DNAJC8: variants seen among roughly 807,000 people sequenced by gnomAD.
DNAJC8 encodes dnaJ homolog subfamily C member 8.
Under a neutral mutation model 43.2 loss-of-function variants are expected in DNAJC8, and 24 were observed. The observed-to-expected ratio is 0.56, with a 90% confidence interval of 0.40 to 0.78. The LOEUF is 0.78. DNAJC8 is among the 30% of genes least tolerant of loss of function. The pLI is 0.00. For missense variants in DNAJC8, 207 were observed against 299.4 expected (o/e 0.69, Z 2.28); for synonymous variants, 83 against 98.0 (o/e 0.85, Z 0.90).
chr1:28,218,421 A>AT (rs755920353), intron 2 of DNAJC8, among the ~76,000 whole-genome samples: 5,759 of 142,780 alleles, frequency 0.04, 241 homozygotes, highest in African/African-American at 0.092. Context: ...TAAACAAATA[A>AT]TTTTTTTTTT....
intron 3 of DNAJC8, among the ~76,000 whole-genome samples, chr1:28,212,297 CAG>C (rs1646820468): frequency 2.9e-5 from 3 of 105,246 alleles, no homozygotes; most frequent in African/African-American, 1.1e-4. Context: ...TTTTTTGAGA[CAG>C]AGTGTTGCTC....
At chr1:28,207,689 G>A (rs1052601796) in intron 6 of DNAJC8, among the ~76,000 whole-genome samples, 18 of 147,416 alleles carry the variant, frequency 1.2e-4, no homozygotes, top group African/African-American at 3.0e-4. Context: ...TGATCCACCC[G>A]CCACGGCCTC....
Position 28,232,960 on chromosome 1 carries a change from T to C in DNAJC8, c.39A>G (p.Gly13=). 10 of 1,613,146 alleles carry C rather than the reference T, an allele frequency of 6.2e-6. No homozygotes were observed. Among genetic ancestry groups the C allele is most frequent in the Non-Finnish European group, 8.5e-6 (10 of 1,180,002 alleles). ...TCATAAATGCTTCCTCGGTGCTGCC[T>C]CCGCCGCCTGAAGTCCCGCTCTCTC... The part of the protein sequence containing the change: ...ASGESGTSGG[G]GSTEEAFMTF... The change falls in exon 1 of 9, where the codon GGA becomes GGG. Residue 13 remains glycine, a synonymous_variant. Coordinates refer to ENST00000263697, the MANE Select transcript of DNAJC8 (RefSeq NM_014280.3).
intron 6 of DNAJC8, 42 bp downstream of exon 6, chr1:28,208,300 C>A: frequency 6.6e-7 from 1 of 1,507,988 alleles, no homozygotes; most frequent in East Asian, 2.3e-5. Context: ...TTCGTAGACA[C>A]AATCACACAA....
At chr1:28,232,068 T>C (rs1363282503) in intron 1 of DNAJC8, among the ~76,000 whole-genome samples, 1 of 151,910 alleles carries the variant, frequency 6.6e-6, no homozygotes, top group Non-Finnish European at 1.5e-5. Flanking sequence ...AATTTTTTTT[T>C]CTATCCTTTT....
At chr1:28,228,380 C>G (rs114820785) in intron 2 of DNAJC8, among the ~76,000 whole-genome samples, 3,230 of 143,326 alleles carry the variant, frequency 0.023, 132 homozygotes, top group African/African-American at 0.078. Flanking sequence ...GAATCCTAAA[C>G]TTATTAGAGC....
At chr1:28,205,910 A>G (rs991284873) in intron 6 of DNAJC8, among the ~76,000 whole-genome samples, 4 of 152,120 alleles carry the variant, frequency 2.6e-5, no homozygotes, top group African/African-American at 7.2e-5. Flanking sequence ...TTAGCGGGGC[A>G]TGGTGGTGCA....
chr1:28,213,812 T>C lies in DNAJC8; in HGVS notation c.237+1128A>G, dbSNP rs985135545. 2.0e-5 allele frequency among the ~76,000 whole-genome samples: 3 copies of C among 152,192 alleles called. No homozygotes were observed. The East Asian group carries it at 5.8e-4, about 29-fold the overall frequency. On this transcript the variant is annotated intron_variant, in intron 3 of 8. Transcript: ENST00000263697. ...GCCAGCAGATCGCTTGAGCCCAGAA[T>C]TGAGACCAGCCTGGGCAACATGGCG...
intron 3 of DNAJC8, among the ~76,000 whole-genome samples, chr1:28,214,644 G>T (rs1646838674): frequency 6.6e-6 from 1 of 152,166 alleles, no homozygotes; most frequent in South Asian, 2.1e-4. Flanking sequence ...AGGGGGTTTG[G>T]TAGTTACAAC....
chr1:28,210,659 G>A (rs1457264968), intron 3 of DNAJC8, 22 bp from the exon 4 acceptor site: 4 of 1,606,790 alleles, frequency 2.5e-6, no homozygotes, highest in African/African-American at 2.7e-5. Context: ...GAAAAGTTGG[G>A]GTTGTCAATA....
At position 28,210,051 on chromosome 1, in the gene DNAJC8, T is replaced by G. The variant is rs1646800116; in HGVS notation, c.320A>C (p.Tyr107Ser). Residue 107 changes from tyrosine to serine, a missense_variant, in exon 5 of 9, where the codon TAC becomes TCC. Tyr to Ser is a moderately radical substitution (Grantham distance 144, BLOSUM62 -2). Transcript: ENST00000263697. ...QKAFEAVDKA[Y>S]KLLLDQEQKK... is the part of the protein sequence containing the mutation. ...TTGCTCCTGATCCAGTAGCAACTTG[T>G]AAGCTTTGTCCACAGCTAATGCAAA... The G allele has an allele frequency of 6.2e-7, 1 of 1,614,154 alleles. No homozygotes were observed. The highest frequency in any genetic ancestry group is 1.1e-5 in the South Asian group (1 of 91,086).
intron 2 of DNAJC8, among the ~76,000 whole-genome samples, chr1:28,216,941 T>C (rs1646859874): frequency 6.6e-6 from 1 of 151,446 alleles, no homozygotes; most frequent in Admixed American, 6.6e-5. Flanking sequence ...CTCGAGTAGC[T>C]GGGATTACAG....
intron 5 of DNAJC8, 22 bp from the exon 6 acceptor site, chr1:28,208,435 CA>C: frequency 6.4e-7 from 1 of 1,554,384 alleles, no homozygotes; most frequent in East Asian, 2.3e-5. Context: ...TTTTTTTCAT[CA>C]AAAGACGAGC....
chr1:28,204,568 A>G (rs1231706026), intron 7 of DNAJC8, among the ~76,000 whole-genome samples: 1 of 152,196 alleles, frequency 6.6e-6, no homozygotes, highest in Non-Finnish European at 1.5e-5. Flanking sequence ...CATATTTTAG[A>G]ACATTAAACA....
At chr1:28,216,039 A>T (rs867088408) in intron 2 of DNAJC8, among the ~76,000 whole-genome samples, 5 of 151,938 alleles carry the variant, frequency 3.3e-5, no homozygotes, top group African/African-American at 9.7e-5. Context: ...GTGACTTTTT[A>T]AAATGTTTTT....
chr1:28,200,753 T>C lies in DNAJC8; in HGVS notation c.*495A>G. 1 of 447,002 alleles carries C rather than the reference T, an allele frequency of 2.2e-6. No individual in the cohort carries two copies. Among genetic ancestry groups the C allele is most frequent in the South Asian group, 1.6e-5 (1 of 63,440 alleles). 27.7% of individuals were successfully genotyped at this position (447,002 alleles called of 1,614,324 possible). A position where few individuals can be genotyped will look rare whatever the true frequency, so the allele number is the denominator to read the frequency against. ...CCACAGGGCATCAGATGCTGCTCTGTGTGCTCACAAGTGTTCCCTGTCTTA... is the reference window on the plus strand; with the variant it reads ...CCACAGGGCATCAGATGCTGCTCTGCGTGCTCACAAGTGTTCCCTGTCTTA... On this transcript the variant is annotated 3_prime_UTR_variant, in exon 9 of 9. Coordinates refer to ENST00000263697, the MANE Select transcript of DNAJC8 (RefSeq NM_014280.3).
chr1:28,205,205 G>A (rs1232319628), intron 7 of DNAJC8, 53 bp downstream of exon 7: 7 of 1,338,296 alleles, frequency 5.2e-6, no homozygotes, highest in Non-Finnish European at 7.4e-6. Flanking sequence ...AAAGACCAAT[G>A]TTAGTTAATC....
At chr1:28,228,343 C>T (rs1486069675) in intron 2 of DNAJC8, among the ~76,000 whole-genome samples, 8 of 111,078 alleles carry the variant, frequency 7.2e-5, no homozygotes, top group East Asian at 2.2e-4. Context: ...AGCAAGACTC[C>T]GTCTCAAAAA....
intron 2 of DNAJC8, among the ~76,000 whole-genome samples, chr1:28,219,398 A>T (rs1268237933): frequency 6.6e-6 from 1 of 152,102 alleles, no homozygotes; most frequent in Non-Finnish European, 1.5e-5. Context: ...GGTCCCAGCT[A>T]CTCAGGAAGC....
Sources: gnomAD v4.1 joint callset for allele counts (sites outside exome capture counted in the v4.1 genomes callset) on GRCh38, gnomAD v4.1.1 for gene constraint, MANE v1.5 for transcripts, NCBI Gene and HGNC (gene_info 2026-07-23, HGNC 2026-07-21) for gene names.